Variants in FAXDC2 observed in about 807,000 individuals in gnomAD.
The protein encoded by FAXDC2 is fatty acid hydroxylase domain-containing protein 2.
Under a neutral mutation model 40.9 loss-of-function variants are expected in FAXDC2, and 41 were observed. The ratio of observed to expected loss-of-function variants is 1.00; its 90% confidence interval spans 0.78 to 1.30. The LOEUF is 1.30. Among genes scored for constraint, FAXDC2 ranks in the 50% most tolerant of loss-of-function variants. The pLI, the probability that FAXDC2 is intolerant of heterozygous loss-of-function variation, is 0.00. For synonymous variants in FAXDC2, 157 were observed against 149.3 expected (o/e 1.05, Z -0.38); for missense variants, 390 against 408.8 (o/e 0.95, Z 0.40).
chr5:154,829,934 C>CA (rs1245496262), intron 5 of FAXDC2, among the ~76,000 whole-genome samples: 1 of 152,082 alleles, frequency 6.6e-6, no homozygotes, highest in Non-Finnish European at 1.5e-5. Flanking sequence ...GTGAGGGGGA[C>CA]AGTAAGCCAG....
At chr5:154,823,900 A>G (rs1201198558) in intron 5 of FAXDC2, 6 of 353,810 alleles carry the variant, frequency 1.7e-5, no homozygotes, top group Admixed American at 4.1e-5. Flanking sequence ...GCCAGGCCCC[A>G]TGTATTTACA....
At chr5:154,843,390 C>T (rs1209221329) in intron 1 of FAXDC2, among the ~76,000 whole-genome samples, 3 of 152,174 alleles carry the variant, frequency 2.0e-5, no homozygotes, top group Non-Finnish European at 2.9e-5. Context: ...TACGAACTTA[C>T]TATGTGCAAG....
intron 4 of FAXDC2, among the ~76,000 whole-genome samples, chr5:154,834,308 C>A (rs1760264955): frequency 6.6e-6 from 1 of 152,088 alleles, no homozygotes; most frequent in Non-Finnish European, 1.5e-5. Flanking sequence ...CAAGACAGGG[C>A]AGCTCTCTGT....
chr5:154,840,797 C>T (rs1287739427), intron 1 of FAXDC2, among the ~76,000 whole-genome samples: 17 of 152,112 alleles, frequency 1.1e-4, no homozygotes, highest in Admixed American at 5.9e-4. Context: ...GCGATCCTCC[C>T]GCCTCGGCCT....
chr5:154,838,234 A>T, intron 1 of FAXDC2, 56 bp from the exon 2 acceptor site: 1 of 1,563,896 alleles, frequency 6.4e-7, no homozygotes, highest in Non-Finnish European at 8.8e-7. Flanking sequence ...CATCTAAGGA[A>T]GTAGGGAGTG....
rs1354067487 is a variant in FAXDC2, at chr5:154,820,005, TG to T, written c.*310del. 4.4e-6 allele frequency: 1 copy of T among 224,958 alleles called. No homozygotes were observed. Among genetic ancestry groups the T allele is most frequent in the African/African-American group, 2.3e-5 (1 of 43,100 alleles). The allele number at this position is 224,958 out of a possible 1,614,324, so 13.9% of individuals were successfully genotyped here. ...CTGCCCAGGCCACAAAGGAGTTATC[TG>T]GGGCTGAACCCCTCTCCTTCCACAG... On this transcript the variant is annotated 3_prime_UTR_variant, in exon 9 of 9. Transcript: ENST00000326080.
intron 4 of FAXDC2, among the ~76,000 whole-genome samples, chr5:154,831,764 AT>A (rs1760198708): frequency 6.6e-6 from 1 of 152,186 alleles, no homozygotes; most frequent in Admixed American, 6.5e-5. Flanking sequence ...CTAGAGGGCA[AT>A]TTGGCAGTAA....
chr5:154,822,384 G>T (rs1299399878), intron 7 of FAXDC2, 88 bp downstream of exon 7: 7 of 853,842 alleles, frequency 8.2e-6, no homozygotes, highest in Non-Finnish European at 3.9e-6. Flanking sequence ...AAAAGGGCCG[G>T]TGTGGTCTAA....
rs1434223905 is a variant in FAXDC2, at chr5:154,830,852, T to C, written c.315A>G (p.Gly105=). The C allele has an allele frequency of 6.2e-7, 1 of 1,614,086 alleles. No homozygotes were observed. Among genetic ancestry groups the C allele is most frequent in the Non-Finnish European group, 8.5e-7 (1 of 1,180,026 alleles). Residue 105 remains glycine, a synonymous_variant, in exon 5 of 9, where the codon GGA becomes GGG. Transcript: ENST00000326080. ...GGTAGCGAGAGATGAAGTTAGGTTT[T>C]CCTGTTGTGTCAACCACCAATAGAA... ...NGLLLVVDTT[G]KPNFISRYRI...
intron 2 of FAXDC2, among the ~76,000 whole-genome samples, chr5:154,837,182 T>TC (rs1328939530): frequency 6.6e-6 from 1 of 152,170 alleles, no homozygotes; most frequent in Non-Finnish European, 1.5e-5. Context: ...ATGAGCATGC[T>TC]CACTCACTGA....
chr5:154,824,743 A>C (rs944062966), intron 5 of FAXDC2: 3 of 570,984 alleles, frequency 5.3e-6, no homozygotes, highest in Non-Finnish European at 9.4e-6. Flanking sequence ...TCCTGCCCCC[A>C]TGGAATTTAT....
intron 1 of FAXDC2, chr5:154,838,428 A>T (rs771134322): frequency 4.5e-5 from 22 of 483,572 alleles, no homozygotes; most frequent in Non-Finnish European, 6.9e-5. Flanking sequence ...AGGTCTACCA[A>T]CTACAAAAAA....
intron 8 of FAXDC2, 37 bp from the exon 9 acceptor site, chr5:154,820,509 G>A (rs1345754930): frequency 4.5e-6 from 7 of 1,562,778 alleles, no homozygotes; most frequent in Admixed American, 1.8e-5. Flanking sequence ...TGCCCATGCT[G>A]GAGGCTTCCG....
At chr5:154,826,527 T>TAAAAAAAAAAAAGAAAAAAAAAAAAAAA (rs1760040855) in intron 5 of FAXDC2, among the ~76,000 whole-genome samples, 1 of 101,524 alleles carries the variant, frequency 9.8e-6, no homozygotes, top group Non-Finnish European at 2.1e-5. Context: ...AGACTGTCTC[T>TAAAAAAAAAAAAGAAAAAAAAAAAAAAA]AAAAAAAAAA....
At chr5:154,838,301 G>A in intron 1 of FAXDC2, 123 bp from the exon 2 acceptor site, 1 of 813,840 alleles carries the variant, frequency 1.2e-6, no homozygotes, top group East Asian at 2.7e-5. Flanking sequence ...AAATTGGCTT[G>A]TTGTTCTTCC....
At chr5:154,849,674 T>C (rs1309019660) in intron 1 of FAXDC2, among the ~76,000 whole-genome samples, 1 of 152,208 alleles carries the variant, frequency 6.6e-6, no homozygotes, top group Non-Finnish European at 1.5e-5. Flanking sequence ...GCATCTGTGT[T>C]TTAGCAAATT....
intron 5 of FAXDC2, among the ~76,000 whole-genome samples, chr5:154,829,864 T>C (rs571175056): frequency 1.3e-5 from 2 of 152,224 alleles, no homozygotes; most frequent in Non-Finnish European, 2.9e-5. Flanking sequence ...CTCTGATTCA[T>C]GTCCTGCCAA....
chr5:154,823,202 CGGG>C (rs370440547), intron 6 of FAXDC2, 182 bp downstream of exon 6: 4 of 591,490 alleles, frequency 6.8e-6, no homozygotes, highest in African/African-American at 3.7e-5. Context: ...TTTGTAGAGA[CGGG>C]GTCTCCTGAC....
intron 8 of FAXDC2, 116 bp from the exon 9 acceptor site, chr5:154,820,588 C>T: frequency 1.4e-6 from 1 of 738,758 alleles, no homozygotes; most frequent in Non-Finnish European, 2.2e-6. Flanking sequence ...CCTGTCACCA[C>T]CATCCTGACC....
Sources: allele counts gnomAD v4.1 joint callset (sites outside exome capture counted in the v4.1 genomes callset), GRCh38; gene constraint gnomAD v4.1.1; transcripts MANE v1.5; gene names NCBI Gene and HGNC (gene_info 2026-07-23, HGNC 2026-07-21).